SUSD6: variants seen among roughly 807,000 people sequenced by gnomAD.
SUSD6 encodes sushi domain containing 6, also known as sushi domain-containing protein 6.
Under a neutral mutation model 28.4 loss-of-function variants are expected in SUSD6, and 16 were observed. The ratio of observed to expected loss-of-function variants is 0.56; its 90% CI spans 0.38 to 0.86. The LOEUF (loss-of-function observed/expected upper bound fraction) is 0.86. Ranked by LOEUF, SUSD6 falls within the 40% of genes least tolerant of loss-of-function variation. SUSD6 has a pLI of 0.00. For missense variants in SUSD6, 341 were observed against 384.2 expected (o/e 0.89, Z 0.94); for synonymous variants, 147 against 159.6 (o/e 0.92, Z 0.59).
At position 69,713,832 on chromosome 14, in the gene SUSD6, G is replaced by GTTTTTTTTTTTTTTTTTTTTTT. The variant is rs1239320393; in HGVS notation, c.*2856_*2857insTTTTTTTTTTTTTTTTTTTTTT. The GTTTTTTTTTTTTTTTTTTTTTT allele has an allele frequency of 7.5e-6, 1 of 132,482 alleles. No homozygotes were observed. 8.2% of individuals were successfully genotyped at this position (132,482 alleles called of 1,614,324 possible). On this transcript the variant is annotated 3_prime_UTR_variant, in exon 6 of 6. Transcript: ENST00000342745. Reference sequence around the variant, plus strand: ...GTTTTTTTGTTTGTTTGTTGTTGGTGTTTGTTTTTTTTTTTTTTTTTTTGG... The same window carrying GTTTTTTTTTTTTTTTTTTTTTT: ...GTTTTTTTGTTTGTTTGTTGTTGGTGTTTTTTTTTTTTTTTTTTTTTTTTTGTTTTTTTTTTTTTTTTTTTGG...
intron 1 of SUSD6, among the ~76,000 whole-genome samples, chr14:69,623,059 C>T (rs1013990200): frequency 1.7e-4 from 26 of 152,232 alleles, no homozygotes; most frequent in Non-Finnish European, 1.3e-4. Context: ...AATCAGACAC[C>T]GGTATGATAG....
chr14:69,692,016 G>A (rs1225519492), intron 2 of SUSD6, among the ~76,000 whole-genome samples: 1 of 148,564 alleles, frequency 6.7e-6, no homozygotes, highest in Non-Finnish European at 1.5e-5. Context: ...TCCAGCTTGG[G>A]TGACAGAGTG....
chr14:69,628,387 C>T (rs917485737), intron 1 of SUSD6, among the ~76,000 whole-genome samples: 1 of 152,198 alleles, frequency 6.6e-6, no homozygotes. Flanking sequence ...GGGCTGTGTG[C>T]TTGCTACAGA....
At chr14:69,704,774 G>A in intron 4 of SUSD6, 32 bp downstream of exon 4, 4 of 1,608,872 alleles carry the variant, frequency 2.5e-6, no homozygotes, top group Non-Finnish European at 2.5e-6. Flanking sequence ...ACATGAGACA[G>A]GCAGGTGCAA....
At chr14:69,638,423 AGTGT>A (rs10637124) in intron 1 of SUSD6, among the ~76,000 whole-genome samples, 4,937 of 139,218 alleles carry the variant, frequency 0.035, 103 homozygotes, top group Middle Eastern at 0.062. Context: ...TGGGGTGGGG[AGTGT>A]GTGTGTGTGT....
intron 2 of SUSD6, among the ~76,000 whole-genome samples, chr14:69,679,552 T>G (rs8010776): frequency 0.048 from 7,359 of 151,936 alleles, 221 homozygotes; most frequent in East Asian, 0.15. Flanking sequence ...TCATAAACTT[T>G]CTTAAAATAT....
rs989943669 is a variant in SUSD6, at chr14:69,647,095, A to G, written c.-80-11418A>G. On this transcript the variant is annotated intron_variant, in intron 1 of 5. Transcript: ENST00000342745. Reference sequence around the variant, plus strand: ...GCACATCACAGGCACTGAATGAATGAATGGATGGATGGATGAAAATGTTTG... The same window carrying G: ...GCACATCACAGGCACTGAATGAATGGATGGATGGATGGATGAAAATGTTTG... Among the ~76,000 whole-genome samples, 5 of 152,140 alleles carry G rather than the reference A, an allele frequency of 3.3e-5. No homozygotes were observed. In the East Asian group the frequency reaches 5.8e-4, roughly 18 times the overall value.
chr14:69,618,569 C>T (rs1044368531), intron 1 of SUSD6, among the ~76,000 whole-genome samples: 8 of 152,248 alleles, frequency 5.3e-5, no homozygotes, highest in Non-Finnish European at 1.2e-4. Context: ...AGGGATAGGG[C>T]ATATGCCCTT....
At position 69,708,772 on chromosome 14, in the gene SUSD6, C is replaced by T; in HGVS notation, c.554C>T (p.Ser185Phe). The change falls in exon 5 of 6, where the codon TCT becomes TTT. Residue 185 changes from serine (S) to phenylalanine (F), a missense_variant. Ser to Phe is a radical substitution (Grantham distance 155, BLOSUM62 -2). Transcript: ENST00000342745. ...TACGAGGAGGCTGTATATGGCAGTT[C>T]TGGTCACTGTGTGCCACCTGCTGAC... Reference protein sequence around the residue: ...PSYEEAVYGSSGHCVPPADPR... With the variant: ...PSYEEAVYGSFGHCVPPADPR... 6.2e-7 allele frequency: 1 copy of T among 1,614,160 alleles called. No individual in the cohort carries two copies. Among genetic ancestry groups the T allele is most frequent in the Non-Finnish European group, 8.5e-7 (1 of 1,180,026 alleles).
At chr14:69,703,660 G>A (rs1239642057) in intron 3 of SUSD6, 68 bp downstream of exon 3, 13 of 1,439,988 alleles carry the variant, frequency 9.0e-6, no homozygotes, top group Non-Finnish European at 1.3e-5. Flanking sequence ...AGGATGCAAA[G>A]CATGCTTCCT....
rs1886424089 is a variant in SUSD6 at position 69,708,966 on chromosome 14, G to T, written c.748G>T (p.Val250Leu). Reference protein sequence around the residue: ...EAWGSRASETVMVHQATTSSW... With the variant: ...EAWGSRASETLMVHQATTSSW... ...CTGGGGCTCTCGGGCCTCAGAGACT[G>T]TGATGGTGCATCAGGCAACCACCTC... Residue 250 changes from valine (V) to leucine (L), a missense_variant, in exon 5 of 6, where the codon GTG becomes TTG. Transcript: ENST00000342745. 1 of 1,614,184 alleles carries T rather than the reference G, an allele frequency of 6.2e-7. No individual in the cohort carries two copies. Among genetic ancestry groups the T allele is most frequent in the African/African-American group, 1.3e-5 (1 of 75,058 alleles).
intron 1 of SUSD6, among the ~76,000 whole-genome samples, chr14:69,622,619 A>G (rs1885057548): frequency 6.6e-6 from 1 of 151,970 alleles, no homozygotes; most frequent in East Asian, 1.9e-4. Context: ...TTTGAGATGG[A>G]GTCTCACTCT....
chr14:69,667,887 G>A (rs545156331), intron 2 of SUSD6, among the ~76,000 whole-genome samples: 19 of 152,176 alleles, frequency 1.2e-4, no homozygotes, highest in African/African-American at 4.3e-4. Flanking sequence ...ATATAAGCTC[G>A]TTGAACACAG....
chr14:69,649,764 G>A (rs1463342644), intron 1 of SUSD6, among the ~76,000 whole-genome samples: 1 of 152,170 alleles, frequency 6.6e-6, no homozygotes, highest in Non-Finnish European at 1.5e-5. Flanking sequence ...TGAGGGTTTG[G>A]AAGAGCCTTC....
intron 2 of SUSD6, among the ~76,000 whole-genome samples, chr14:69,673,110 G>T (rs1885858522): frequency 6.6e-6 from 1 of 152,168 alleles, no homozygotes; most frequent in Non-Finnish European, 1.5e-5. Context: ...GGGCTCCCAG[G>T]TTTGAAACTC....
intron 2 of SUSD6, among the ~76,000 whole-genome samples, chr14:69,676,013 G>T (rs1488413365): frequency 6.6e-6 from 1 of 152,200 alleles, no homozygotes; most frequent in Non-Finnish European, 1.5e-5. Flanking sequence ...TAAGTGTTAA[G>T]AACCTATTAT....
At chr14:69,700,511 A>AT (rs542995607) in intron 2 of SUSD6, among the ~76,000 whole-genome samples, 158 of 152,174 alleles carry the variant, frequency 1.0e-3, no homozygotes, top group African/African-American at 3.5e-3. Flanking sequence ...TCTTCATGTT[A>AT]TTTTTTTGGA....
intron 2 of SUSD6, among the ~76,000 whole-genome samples, chr14:69,691,187 C>CA (rs1421150839): frequency 2.0e-5 from 3 of 152,094 alleles, no homozygotes; most frequent in Non-Finnish European, 4.4e-5. Flanking sequence ...ACTAAAAATA[C>CA]AAAAAATTAG....
At chr14:69,708,617 T>C in intron 4 of SUSD6, 60 bp from the exon 5 acceptor site, 1 of 1,366,384 alleles carries the variant, frequency 7.3e-7, no homozygotes, top group Non-Finnish European at 1.0e-6. Flanking sequence ...ATTATTATCA[T>C]GCCTGTTTCT....
Sources: allele counts gnomAD v4.1 joint callset (sites outside exome capture counted in the v4.1 genomes callset), GRCh38; gene constraint gnomAD v4.1.1; transcripts MANE v1.5; gene names NCBI Gene and HGNC (gene_info 2026-07-23, HGNC 2026-07-21).